The following CHLSN variants were observed in gnomAD, a reference collection of about 807,000 sequenced individuals.
CHLSN encodes the protein protein cholesin.
chr7:1,112,451 C>T, the CHLSN span, among the ~76,000 whole-genome samples: 2 of 152,216 alleles, frequency 1.3e-5, no homozygotes, highest in Non-Finnish European at 2.9e-5. Context: ...CCCCAAAAGG[C>T]TCCTGGAGAA....
chr7:1,028,338 C>T, the CHLSN span: 8 of 1,021,724 alleles, frequency 7.8e-6, no homozygotes, highest in African/African-American at 5.2e-5. Flanking sequence ...GCCCGGCCCG[C>T]GCCTCCAGCA....
At chr7:1,016,978 A>G in the CHLSN span, among the ~76,000 whole-genome samples, 105 of 64,508 alleles carry the variant, frequency 1.6e-3, 5 homozygotes, top group African/African-American at 2.2e-3. Context: ...GCCAGCACAC[A>G]CCAGCGCACA....
chr7:1,044,444 C>T, the CHLSN span: 6 of 148,864 alleles, frequency 4.0e-5, no homozygotes, highest in African/African-American at 1.3e-4. Flanking sequence ...TCCCCGCGGT[C>T]TAGCCGCGAG....
chr7:1,002,123 GA>G, the CHLSN span, among the ~76,000 whole-genome samples: 1 of 136,418 alleles, frequency 7.3e-6, no homozygotes. Flanking sequence ...TCCTGTGGGT[GA>G]GTGGAGCCCT....
chr7:1,099,915 A>G, the CHLSN span, among the ~76,000 whole-genome samples: 1 of 151,984 alleles, frequency 6.6e-6, no homozygotes, highest in East Asian at 1.9e-4. Flanking sequence ...ACCACGGCAA[A>G]CCCTGAGTAA....
At chr7:1,046,616 G>T in the CHLSN span, among the ~76,000 whole-genome samples, 1 of 152,176 alleles carries the variant, frequency 6.6e-6, no homozygotes, top group Non-Finnish European at 1.5e-5. Context: ...ATGAGATGCT[G>T]CCCGGGACCA....
the CHLSN span, among the ~76,000 whole-genome samples, chr7:1,005,804 G>A: frequency 1.1e-4 from 16 of 152,294 alleles, no homozygotes; most frequent in Middle Eastern, 3.4e-3. Context: ...GGGGGACCCC[G>A]TCCCGGCTGG....
the CHLSN span, among the ~76,000 whole-genome samples, chr7:1,078,750 T>G: frequency 6.6e-6 from 1 of 152,232 alleles, no homozygotes; most frequent in Non-Finnish European, 1.5e-5. Context: ...TGTGCCCACC[T>G]GCCCACTGGG....
At chr7:1,110,530 C>T in the CHLSN span, among the ~76,000 whole-genome samples, 2 of 152,236 alleles carry the variant, frequency 1.3e-5, no homozygotes, top group Admixed American at 6.5e-5. Flanking sequence ...CACGTCTTCC[C>T]ATGGCTCCCG....
chr7:1,035,560 G>A, the CHLSN span, among the ~76,000 whole-genome samples: 4 of 152,358 alleles, frequency 2.6e-5, no homozygotes, highest in Admixed American at 6.5e-5. Flanking sequence ...ATCCTTTGAC[G>A]TGAGGGAGCG....
At chr7:1,099,081 G>T in the CHLSN span, among the ~76,000 whole-genome samples, 3 of 152,272 alleles carry the variant, frequency 2.0e-5, no homozygotes, top group South Asian at 6.2e-4. Context: ...TCACTGTCAC[G>T]TTCTTGCAGC....
At chr7:979,271 TCAGCTTATCAACGG>T in the CHLSN span, among the ~76,000 whole-genome samples, 1 of 152,330 alleles carries the variant, frequency 6.6e-6, no homozygotes, top group East Asian at 1.9e-4. Context: ...GTTTCGGGCC[TCAGCTTATCAACGG>T]GTGGCGGAGG....
the CHLSN span, among the ~76,000 whole-genome samples, chr7:1,019,940 G>A: frequency 5.3e-5 from 8 of 152,222 alleles, no homozygotes; most frequent in Non-Finnish European, 5.9e-5. Context: ...TGCGTTTCCC[G>A]AGGGAGGCCA....
chr7:1,037,260 G>C, the CHLSN span, among the ~76,000 whole-genome samples: 2 of 138,544 alleles, frequency 1.4e-5, no homozygotes, highest in African/African-American at 5.2e-5. Context: ...AATAAGGCAA[G>C]AAAAAGAAAT....
chr7:1,112,804 C>T, the CHLSN span, among the ~76,000 whole-genome samples: 2 of 152,136 alleles, frequency 1.3e-5, no homozygotes, highest in South Asian at 2.1e-4. Flanking sequence ...CAAAACGGCA[C>T]GGCCACTCTG....
the CHLSN span, chr7:1,056,675 C>G: frequency 6.6e-6 from 1 of 152,188 alleles, no homozygotes; most frequent in African/African-American, 2.4e-5. Flanking sequence ...GGGTGAGGAC[C>G]CACTCCCGCA....
chr7:1,000,098 CG>C, the CHLSN span, among the ~76,000 whole-genome samples: 1 of 152,256 alleles, frequency 6.6e-6, no homozygotes, highest in Non-Finnish European at 1.5e-5. Context: ...CCCTGAAGGC[CG>C]GCGGCAGGGC....
At chr7:1,001,483 GT>G in the CHLSN span, among the ~76,000 whole-genome samples, 11 of 139,900 alleles carry the variant, frequency 7.9e-5, no homozygotes, top group African/African-American at 1.1e-4. Flanking sequence ...CTGTGGGTGA[GT>G]GGAGTCCTGC....
At chr7:1,110,997 A>G in the CHLSN span, among the ~76,000 whole-genome samples, 1 of 152,066 alleles carries the variant, frequency 6.6e-6, no homozygotes. Flanking sequence ...AACTGCTTGA[A>G]CCCAGGAGGT....
Sources: allele counts gnomAD v4.1 joint callset (sites outside exome capture counted in the v4.1 genomes callset), GRCh38; gene constraint gnomAD v4.1.1; transcripts MANE v1.5; gene names NCBI Gene and HGNC (gene_info 2026-07-23, HGNC 2026-07-21).